The following PCDHA10 variants were observed in gnomAD, a reference collection of about 807,000 sequenced individuals.
PCDHA10 encodes protocadherin alpha-10.
A neutral mutation model predicts 61.2 loss-of-function variants in PCDHA10; 45 were observed. The observed-to-expected ratio is 0.74, with a 90% confidence interval of 0.58 to 0.94. The LOEUF (loss-of-function observed/expected upper bound fraction) is 0.94, where lower values mean the gene tolerates loss of function less well. PCDHA10 is among the 40% of genes least tolerant of loss of function. The pLI, the probability that PCDHA10 is intolerant of heterozygous loss-of-function variation, is 0.00. For missense variants in PCDHA10, 1,278 were observed against 1,236.2 expected (o/e 1.03, Z -0.51); for synonymous variants, 602 against 548.8 (o/e 1.10, Z -1.35).
intron 1 of PCDHA10, among the ~76,000 whole-genome samples, chr5:140,891,611 T>G (rs1457156522): frequency 6.6e-6 from 1 of 152,226 alleles, no homozygotes; most frequent in East Asian, 1.9e-4. Context: ...TTTCTACCTT[T>G]TATTTTAACA....
chr5:140,896,564 A>G (rs1475217228), intron 1 of PCDHA10, among the ~76,000 whole-genome samples: 1 of 150,096 alleles, frequency 6.7e-6, no homozygotes, highest in African/African-American at 2.5e-5. Flanking sequence ...TTAAGTAGAG[A>G]TGGGGTTTTG....
intron 1 of PCDHA10, among the ~76,000 whole-genome samples, chr5:140,975,953 T>A (rs1554237158): frequency 6.6e-6 from 1 of 152,084 alleles, no homozygotes; most frequent in Non-Finnish European, 1.5e-5. Context: ...CATATTAGAG[T>A]TCTTCACCAA....
intron 1 of PCDHA10, chr5:140,868,273 C>A (rs1311976993): frequency 6.6e-6 from 1 of 151,892 alleles, no homozygotes; most frequent in Non-Finnish European, 1.5e-5. Flanking sequence ...TTTTTTAAAA[C>A]TACCAAGTTT....
chr5:140,869,327 T>A, intron 1 of PCDHA10: 1 of 1,613,922 alleles, frequency 6.2e-7, no homozygotes, highest in Middle Eastern at 1.7e-4. Context: ...GGGGACCTTC[T>A]GGAGGTAAAT....
Position 140,858,260 on chromosome 5 carries a change from G to A in PCDHA10, c.2212G>A (p.Val738Met), listed in dbSNP as rs782801879. ...GACGPVKPTL[V>M]CSSAVGSWSY... ...ATGTGGGCCGGTGAAGCCCACGCTG[G>A]TGTGCTCTAGCGCGGTGGGGAGCTG... Residue 738 changes from valine (V) to methionine (M), a missense_variant, in exon 1 of 4, where the codon GTG (valine) becomes ATG (methionine). Physicochemically the swap from Val to Met is conservative, Grantham distance 21. Coordinates refer to ENST00000307360, the MANE Select transcript of PCDHA10 (RefSeq NM_018901.4). 1.3e-6 allele frequency: 2 copies of A among 1,597,208 alleles called. No individual in the cohort carries two copies. Among genetic ancestry groups the A allele is most frequent in the South Asian group, 2.2e-5 (2 of 90,500 alleles).
intron 1 of PCDHA10, chr5:140,876,687 C>CA (rs2056504367): frequency 1.2e-6 from 2 of 1,614,212 alleles, no homozygotes; most frequent in Non-Finnish European, 1.7e-6. Context: ...AGAATTACTA[C>CA]TCGTTGGTGC....
chr5:140,946,092 G>A (rs985293430), intron 1 of PCDHA10, among the ~76,000 whole-genome samples: 2 of 151,914 alleles, frequency 1.3e-5, no homozygotes, highest in Non-Finnish European at 2.9e-5. Flanking sequence ...CTGATAAGGA[G>A]TTAACATACC....
chr5:140,885,556 G>A (rs1317413722), intron 1 of PCDHA10, among the ~76,000 whole-genome samples: 22 of 152,018 alleles, frequency 1.4e-4, no homozygotes, highest in African/African-American at 5.3e-4. Flanking sequence ...TTATTTCTAC[G>A]AAATTGATTG....
intron 1 of PCDHA10, among the ~76,000 whole-genome samples, chr5:140,873,079 TC>T (rs544069393): frequency 1.1e-4 from 17 of 152,076 alleles, no homozygotes; most frequent in Admixed American, 4.6e-4. Context: ...TCTAGCTATT[TC>T]CCCCCCGTAT....
chr5:140,883,640 C>G (rs143631680), intron 1 of PCDHA10: 2 of 1,613,958 alleles, frequency 1.2e-6, no homozygotes, highest in Non-Finnish European at 1.7e-6. Context: ...GTTCGCGCAG[C>G]CCGAGTACAC....
intron 1 of PCDHA10, chr5:140,882,277 T>C: frequency 1.9e-6 from 3 of 1,612,528 alleles, no homozygotes; most frequent in African/African-American, 1.3e-5. Flanking sequence ...CCATGCTGTC[T>C]TCCTGGCAAG....
rs140322145 is a variant in PCDHA10, at chr5:140,968,725, T to C, written c.2389-10224T>C. ...CCAGGAAGATGGGAGATGAGAGTGG[T>C]AGCACTTTCAACCTGACCGTGGTGG... On this transcript the variant is annotated intron_variant, in intron 1 of 3. Coordinates refer to ENST00000307360, the MANE Select transcript of PCDHA10 (RefSeq NM_018901.4). 3.1e-6 allele frequency: 5 copies of C among 1,613,932 alleles called. No individual in the cohort carries two copies. In the African/African-American group the frequency reaches 6.7e-5, roughly 22 times the overall value.
intron 1 of PCDHA10, chr5:140,871,252 T>A (rs782280300): frequency 2.5e-6 from 4 of 1,613,990 alleles, no homozygotes; most frequent in Non-Finnish European, 1.7e-6. Context: ...GCTGCTGCTG[T>A]ATACGGCGCT....
chr5:140,883,238 G>C (rs782322627), intron 1 of PCDHA10: 1 of 1,613,886 alleles, frequency 6.2e-7, no homozygotes, highest in African/African-American at 1.3e-5. Context: ...GGAGGCAGTT[G>C]ACAAAGGAAA....
chr5:140,870,614 C>T, intron 1 of PCDHA10: 2 of 1,613,212 alleles, frequency 1.2e-6, no homozygotes, highest in Non-Finnish European at 1.7e-6. Context: ...CGCGCGCTGT[C>T]GAGCTACGTG....
chr5:140,986,036 G>A (rs2097184937), intron 3 of PCDHA10, among the ~76,000 whole-genome samples: 2 of 152,116 alleles, frequency 1.3e-5, no homozygotes, highest in Admixed American at 1.3e-4. Context: ...ACTGCGCCTG[G>A]CCTCACTGAT....
chr5:140,858,335 C>T lies in PCDHA10; in HGVS notation c.2287C>T (p.Pro763Ser). The change falls in exon 1 of 4, where the codon CCC becomes TCC. Residue 763 changes from proline (P) to serine (S), a missense_variant. Physicochemically the swap from Pro to Ser is moderately conservative, Grantham distance 74. Transcript: ENST00000307360. ...GAGGGTGTGTTCTGGGGAGGGCCTG[C>T]CCAAGGCGGACCTCATGGCCTTCAG... ...RQRVCSGEGL[P>S]KADLMAFSPS... 6.3e-7 allele frequency: 1 copy of T among 1,595,924 alleles called. No homozygotes were observed. Among genetic ancestry groups the T allele is most frequent in the Non-Finnish European group, 8.6e-7 (1 of 1,166,268 alleles).
intron 1 of PCDHA10, among the ~76,000 whole-genome samples, chr5:140,959,151 C>CAG (rs782425604): frequency 2.0e-4 from 30 of 152,084 alleles, no homozygotes; most frequent in African/African-American, 7.0e-4. Context: ...CCAAAGTGGG[C>CAG]AGATTGCTTG....
chr5:140,968,608 T>A, intron 1 of PCDHA10: 1 of 1,614,242 alleles, frequency 6.2e-7, no homozygotes, highest in Non-Finnish European at 8.5e-7. Flanking sequence ...ACTCAGACTC[T>A]GGGCAAAATG....
Sources: gnomAD v4.1 joint callset for allele counts (sites outside exome capture counted in the v4.1 genomes callset) on GRCh38, gnomAD v4.1.1 for gene constraint, MANE v1.5 for transcripts, NCBI Gene and HGNC (gene_info 2026-07-23, HGNC 2026-07-21) for gene names.